KIF26B: variants seen among roughly 807,000 people sequenced by gnomAD.
KIF26B encodes the protein kinesin-like protein KIF26B.
KIF26B carries 63 observed loss-of-function variants against 151.2 expected under a neutral mutation model. The ratio of observed to expected loss-of-function variants is 0.42; its 90% confidence interval spans 0.34 to 0.51. The LOEUF (loss-of-function observed/expected upper bound fraction) is 0.51, where lower values mean the gene tolerates loss of function less well. Ranked by LOEUF, KIF26B falls within the 20% of genes least tolerant of loss-of-function variation. The probability of loss-of-function intolerance (pLI) is 0.07; values close to 1 mark genes in which losing one functional copy is unlikely to be tolerated. For synonymous variants in KIF26B, 1,357 were observed against 1,262.1 expected, an observed-to-expected ratio of 1.08 and a Z score of -1.59; for missense variants, 2,813 against 2,913.6, an observed-to-expected ratio of 0.97 and a Z score of 0.79.
chr1:245,617,723 T>C (rs1359512926), intron 9 of KIF26B, among the ~76,000 whole-genome samples: 4 of 152,194 alleles, frequency 2.6e-5, no homozygotes, highest in Non-Finnish European at 4.4e-5. Context: ...GACACTATTC[T>C]GAAGAGTGCA....
intron 4 of KIF26B, among the ~76,000 whole-genome samples, chr1:245,479,636 T>C: frequency 6.6e-6 from 1 of 151,908 alleles, no homozygotes; most frequent in East Asian, 1.9e-4. Flanking sequence ...ACAGAGAATG[T>C]AGTTTGACAG....
chr1:245,613,012 G>A (rs113688490), intron 9 of KIF26B, among the ~76,000 whole-genome samples: 1,838 of 152,268 alleles, frequency 0.012, 15 homozygotes, highest in Middle Eastern at 0.031. Context: ...TCTTGGACCA[G>A]GGGCAAAGTG....
At chr1:245,261,012 C>T (rs1670625457) in intron 2 of KIF26B, among the ~76,000 whole-genome samples, 1 of 150,440 alleles carries the variant, frequency 6.6e-6, no homozygotes, top group Non-Finnish European at 1.5e-5. Context: ...CCTTCCTTCC[C>T]TCCTTCCTTC....
chr1:245,574,864 C>CTTTTTTT (rs201010492), intron 5 of KIF26B, among the ~76,000 whole-genome samples: 3 of 126,252 alleles, frequency 2.4e-5, no homozygotes, highest in African/African-American at 6.2e-5. Flanking sequence ...TTTTTTTTTT[C>CTTTTTTT]TTTTTTTTTT....
intron 4 of KIF26B, among the ~76,000 whole-genome samples, chr1:245,502,605 G>A (rs1660645890): frequency 6.6e-6 from 1 of 151,698 alleles, no homozygotes; most frequent in Admixed American, 6.6e-5. Flanking sequence ...TAGACTGCAA[G>A]CTCAATGAAG....
At chr1:245,336,067 C>A (rs1280764039) in intron 2 of KIF26B, among the ~76,000 whole-genome samples, 1 of 134,580 alleles carries the variant, frequency 7.4e-6, no homozygotes, top group Non-Finnish European at 1.5e-5. Context: ...AAGGAGAGTC[C>A]CACGCAGGGA....
intron 5 of KIF26B, among the ~76,000 whole-genome samples, chr1:245,598,825 G>A (rs1406714845): frequency 1.3e-5 from 2 of 152,204 alleles, no homozygotes; most frequent in African/African-American, 2.4e-5. Flanking sequence ...GGCAGAGCGA[G>A]GTCCCGACCA....
At chr1:245,515,716 G>A (rs1660947045) in intron 4 of KIF26B, among the ~76,000 whole-genome samples, 1 of 152,164 alleles carries the variant, frequency 6.6e-6, no homozygotes, top group African/African-American at 2.4e-5. Context: ...TGTAGAAGCA[G>A]GCCAGGCTTT....
At chr1:245,279,306 C>CT (rs5782332) in intron 2 of KIF26B, among the ~76,000 whole-genome samples, 25,935 of 132,628 alleles carry the variant, frequency 0.2, 2,757 homozygotes, top group Middle Eastern at 0.26. Context: ...TTTTTTCTTT[C>CT]TTTTTTTTTT....
At chr1:245,302,988 CAAAAAAAAA>C (rs74163037) in intron 2 of KIF26B, among the ~76,000 whole-genome samples, 13 of 35,824 alleles carry the variant, frequency 3.6e-4, no homozygotes, top group African/African-American at 6.9e-4. Flanking sequence ...GACTCTGTCT[CAAAAAAAAA>C]AAAAAAAAAA....
At chr1:245,426,925 G>C (rs903007783) in intron 4 of KIF26B, among the ~76,000 whole-genome samples, 1 of 152,190 alleles carries the variant, frequency 6.6e-6, no homozygotes, top group South Asian at 2.1e-4. Flanking sequence ...ATATGATCTT[G>C]TATGATGAAG....
At position 245,688,258 on chromosome 1, in the gene KIF26B, TCCA is replaced by T. The variant is rs766513660; in HGVS notation, c.5279_5281del (p.Thr1760del). 3.8e-6 allele frequency: 6 copies of T among 1,594,198 alleles called. No individual in the cohort carries two copies. Among genetic ancestry groups the T allele is most frequent in the Non-Finnish European group, 5.1e-6 (6 of 1,176,578 alleles). ...CTCCACCACCAAAACCCTCAGCTTC[TCCA>T]CCAAGTCCCTGCCGCAGGCGGTGGG... On this transcript the variant is annotated inframe_deletion, in exon 12 of 15. Coordinates refer to ENST00000407071, the MANE Select transcript of KIF26B (RefSeq NM_018012.4).
At chr1:245,520,158 G>A (rs2103089381) in intron 4 of KIF26B, among the ~76,000 whole-genome samples, 1 of 115,248 alleles carries the variant, frequency 8.7e-6, no homozygotes. Flanking sequence ...CCCTTCCCCA[G>A]CTAGTCTGGC....
At chr1:245,463,916 G>A (rs544776275) in intron 4 of KIF26B, among the ~76,000 whole-genome samples, 4 of 152,250 alleles carry the variant, frequency 2.6e-5, no homozygotes, top group East Asian at 3.9e-4. Flanking sequence ...AGGCTTCCCC[G>A]TAATGATTTT....
intron 3 of KIF26B, among the ~76,000 whole-genome samples, chr1:245,389,603 A>G (rs537939404): frequency 2.0e-4 from 31 of 152,326 alleles, no homozygotes; most frequent in African/African-American, 6.5e-4. Context: ...GCATATAACC[A>G]TGTTTACCCT....
intron 2 of KIF26B, among the ~76,000 whole-genome samples, chr1:245,274,241 A>G (rs1670901231): frequency 6.6e-6 from 1 of 152,140 alleles, no homozygotes; most frequent in Non-Finnish European, 1.5e-5. Flanking sequence ...TTTTTTAATT[A>G]TACTTTAAGT....
chr1:245,428,546 A>C (rs1292794374), intron 4 of KIF26B, among the ~76,000 whole-genome samples: 1 of 152,092 alleles, frequency 6.6e-6, no homozygotes, highest in African/African-American at 2.4e-5. Context: ...CTAACATCCA[A>C]TATGCAACCC....
At chr1:245,368,079 C>T (rs982099404) in intron 3 of KIF26B, among the ~76,000 whole-genome samples, 2 of 152,162 alleles carry the variant, frequency 1.3e-5, no homozygotes, top group African/African-American at 4.8e-5. Context: ...TGGCACTCTG[C>T]CTTCCCTGTC....
Position 245,540,962 on chromosome 1 carries a change from C to T in KIF26B, c.1350+12C>T, listed in dbSNP as rs529634788. On this transcript the variant is annotated intron_variant, in intron 5 of 14. Transcript: ENST00000407071. The surrounding 1 kb of genome is among the most constrained non-coding windows in gnomAD (Gnocchi z 4.6). ...CGGGGCTGGGCAAGGTAGGACCATC[C>T]GCCGTCCCTGCCATTTGCCCAGTGT... The T allele has an allele frequency of 2.6e-5, 42 of 1,596,890 alleles. No homozygotes were observed. The African/African-American group carries it at 3.4e-4, about 13-fold the overall frequency.
Sources: gnomAD v4.1 joint callset for allele counts (sites outside exome capture counted in the v4.1 genomes callset) on GRCh38, gnomAD v4.1.1 for gene constraint, Gnocchi (gnomAD v3.1) non-coding constraint, MANE v1.5 for transcripts, NCBI Gene and HGNC (gene_info 2026-07-23, HGNC 2026-07-21) for gene names.